Variants in FHAD1 observed in about 807,000 individuals in gnomAD.
The protein encoded by FHAD1 is forkhead associated phosphopeptide binding domain 1.
FHAD1 carries 146 observed loss-of-function variants against 191.3 expected under a neutral mutation model. The observed-to-expected ratio is 0.76, with a 90% CI of 0.67 to 0.88. The LOEUF (loss-of-function observed/expected upper bound fraction) is 0.88. FHAD1 is among the 40% of genes least tolerant of loss of function. The pLI is 0.00. For missense variants in FHAD1, 1,635 were observed against 1,785.8 expected (o/e 0.92, Z 1.52); for synonymous variants, 616 against 672.3 (o/e 0.92, Z 1.29).
chr1:15,367,621 A>C lies in FHAD1; in HGVS notation c.3313A>C (p.Arg1105=). The change falls in exon 25 of 34, where the codon AGG becomes CGG. Residue 1105 remains arginine (R), a splice_region_variant and synonymous_variant. Transcript: ENST00000688493. The part of the protein sequence containing the change: ...RELKALEEAL[R]ASQEKHRLQL... ...GCTGAAGGCCCTTGAGGAGGCACTC[A>C]GGTTGGGTGGGCGGGGGCCGGGTTG... The C allele has an allele frequency of 2.1e-6, 1 of 472,798 alleles. No individual in the cohort carries two copies. Among genetic ancestry groups the C allele is most frequent in the Non-Finnish European group, 3.5e-6 (1 of 282,752 alleles). 29.3% of individuals were successfully genotyped at this position (472,798 alleles called of 1,614,324 possible). A position where few individuals can be genotyped will look rare whatever the true frequency, so the allele number is the denominator to read the frequency against.
At chr1:15,333,360 A>G (rs1435475972) in intron 14 of FHAD1, among the ~76,000 whole-genome samples, 1 of 152,116 alleles carries the variant, frequency 6.6e-6, no homozygotes, top group Admixed American at 6.5e-5. Flanking sequence ...AAGAGGAGGA[A>G]GGAGGAGGGC....
chr1:15,249,726 A>G (rs1307954641), intron 1 of FHAD1, among the ~76,000 whole-genome samples: 3 of 152,144 alleles, frequency 2.0e-5, no homozygotes, highest in African/African-American at 4.8e-5. Flanking sequence ...CTAAGTGTCA[A>G]CAAAACAGTG....
At position 15,341,720 on chromosome 1, in the gene FHAD1, T is replaced by C; in HGVS notation, c.1978-16T>C. The C allele has an allele frequency of 1.3e-6, 2 of 1,545,042 alleles. No individual in the cohort carries two copies. Among genetic ancestry groups the C allele is most frequent in the South Asian group, 1.2e-5 (1 of 83,048 alleles). On this transcript the variant is annotated splice_polypyrimidine_tract_variant and intron_variant, in intron 15 of 33. Transcript: ENST00000688493. ...CTGTCCCCCATCAGCATCGGTTTAC[T>C]TTTCTCACATTTCAGATCAAGTTCA... is the stretch of plus-strand genomic sequence containing the variant.
chr1:15,367,965 T>C (rs1177808129), intron 25 of FHAD1, among the ~76,000 whole-genome samples: 1 of 151,932 alleles, frequency 6.6e-6, no homozygotes, highest in Non-Finnish European at 1.5e-5. Context: ...TTTGTTGTTG[T>C]TGTTGTTTGT....
chr1:15,289,743 T>C lies in FHAD1; in HGVS notation c.568+77T>C. ...GATGGGTCTTGGTTTTGGTTTACTT[T>C]CTGATTCTAAAAGTAGAACATATTC... On this transcript the variant is annotated intron_variant, in intron 4 of 33. Transcript: ENST00000688493. The surrounding 1 kb of genome is among the most constrained non-coding windows in gnomAD (Gnocchi z 4.2). The C allele has an allele frequency of 6.9e-7, 1 of 1,453,888 alleles. No individual in the cohort carries two copies. The highest frequency in any genetic ancestry group is 2.6e-5 in the Admixed American group (1 of 38,838). 90.1% of individuals were successfully genotyped at this position (1,453,888 alleles called of 1,614,324 possible).
chr1:15,341,888 G>A lies in FHAD1; in HGVS notation c.2130G>A (p.Ala710=), dbSNP rs373456073. The A allele has an allele frequency of 1.5e-5, 23 of 1,550,714 alleles. No individual in the cohort carries two copies. Among genetic ancestry groups the A allele is most frequent in the South Asian group, 9.5e-5 (8 of 83,858 alleles). The change falls in exon 16 of 34, where the codon GCG becomes GCA. Residue 710 remains alanine, a splice_region_variant and synonymous_variant. Transcript: ENST00000688493. ...TCAGGCAACTGACGGAAGAGAAGGC[G>A]GTAAGGTGGTCCCTGCCATTTGCTT... is the stretch of plus-strand genomic sequence containing the variant. ...AKIRQLTEEK[A]ALEEYITQER... is the part of the protein sequence containing the mutation.
intron 18 of FHAD1, among the ~76,000 whole-genome samples, chr1:15,348,337 G>A (rs1689648864): frequency 6.6e-6 from 1 of 152,224 alleles, no homozygotes; most frequent in Admixed American, 6.5e-5. Context: ...TGAAAGACAA[G>A]CCGTTAGAAA....
intron 9 of FHAD1, among the ~76,000 whole-genome samples, chr1:15,317,346 A>G (rs894836578): frequency 6.6e-6 from 1 of 152,218 alleles, no homozygotes; most frequent in African/African-American, 2.4e-5. Context: ...CGGGAAGTTC[A>G]GCTTCTCCAA....
chr1:15,256,050 T>C (rs1369981411), intron 2 of FHAD1, among the ~76,000 whole-genome samples: 1 of 152,184 alleles, frequency 6.6e-6, no homozygotes, highest in Non-Finnish European at 1.5e-5. Flanking sequence ...CTGGAATACC[T>C]CGGCCACCAG....
chr1:15,360,415 C>T (rs1694415578), intron 21 of FHAD1, 63 bp from the exon 22 acceptor site: 4 of 1,404,578 alleles, frequency 2.8e-6, no homozygotes, highest in South Asian at 1.2e-5. Flanking sequence ...GCCCAGGGGG[C>T]ATATTATTGT....
chr1:15,270,502 A>G (rs1018578715), intron 2 of FHAD1, among the ~76,000 whole-genome samples: 16 of 152,222 alleles, frequency 1.1e-4, no homozygotes, highest in African/African-American at 3.6e-4. Context: ...GGGCAATGCA[A>G]TAAAGCACTA....
intron 1 of FHAD1, among the ~76,000 whole-genome samples, chr1:15,240,953 T>C (rs1330225712): frequency 8.8e-5 from 7 of 79,700 alleles, no homozygotes; most frequent in Non-Finnish European, 1.6e-4. Context: ...CGAGACTCTA[T>C]CTCAAAAAAA....
At chr1:15,370,122 G>A (rs1020122731) in intron 26 of FHAD1, among the ~76,000 whole-genome samples, 3 of 152,000 alleles carry the variant, frequency 2.0e-5, no homozygotes, top group African/African-American at 4.8e-5. Flanking sequence ...GACTACAGAC[G>A]CACACCACCA....
rs1706567493 is a variant in FHAD1, at chr1:15,398,172, G to A, written c.*759G>A. ...TGGGCCTGTAATCCCAGCTACTCGG[G>A]AGGCTGAGACAGGAGAATCACTTCA... On this transcript the variant is annotated 3_prime_UTR_variant, in exon 34 of 34. Coordinates refer to ENST00000688493, the MANE Select transcript of FHAD1 (RefSeq NM_001391957.1). 6.6e-6 allele frequency: 1 copy of A among 151,068 alleles called. No homozygotes were observed. Among genetic ancestry groups the A allele is most frequent in the Admixed American group, 6.6e-5 (1 of 15,118 alleles). 9.4% of individuals were successfully genotyped at this position (151,068 alleles called of 1,614,324 possible). A position where few individuals can be genotyped will look rare whatever the true frequency, so the allele number is the denominator to read the frequency against.
chr1:15,307,259 C>T (rs1427539576), intron 6 of FHAD1, among the ~76,000 whole-genome samples: 1 of 152,176 alleles, frequency 6.6e-6, no homozygotes, highest in East Asian at 1.9e-4. Flanking sequence ...TTACCCAATA[C>T]CTGTACCCCC....
At chr1:15,242,491 T>C, upstream of FHAD1, among the ~76,000 whole-genome samples, 1 of 152,208 alleles carries the variant, frequency 6.6e-6, no homozygotes, top group East Asian at 1.9e-4. Context: ...AGGTTCACTG[T>C]CACTCAAAAA....
chr1:15,358,281 A>T lies in FHAD1; in HGVS notation c.2734A>T (p.Met912Leu), dbSNP rs1693519828. The change falls in exon 21 of 34, where the codon ATG becomes TTG. Residue 912 changes from methionine (M) to leucine (L), a missense_variant and splice_region_variant. Transcript: ENST00000688493. ...CGAACTGGAAACTACCAAGACAAAAATGGTAAGTCGGTGCCTTCCGGGAAC... is the reference window on the plus strand; with the variant it reads ...CGAACTGGAAACTACCAAGACAAAATTGGTAAGTCGGTGCCTTCCGGGAAC... Reference protein sequence around the residue: ...LAELETTKTKMIMVEERLILQ... With the variant: ...LAELETTKTKLIMVEERLILQ... 2.0e-6 allele frequency: 3 copies of T among 1,527,438 alleles called. No homozygotes were observed. The highest frequency in any genetic ancestry group is 3.4e-4 in the Middle Eastern group (2 of 5,960). The allele number at this position is 1,527,438 out of a possible 1,614,324, so 94.6% of individuals were successfully genotyped here. A position where few individuals can be genotyped will look rare whatever the true frequency, so the allele number is the denominator to read the frequency against.
chr1:15,238,556 G>A (rs1268139696), intron 1 of FHAD1, among the ~76,000 whole-genome samples: 1 of 152,212 alleles, frequency 6.6e-6, no homozygotes, highest in Non-Finnish European at 1.5e-5. Flanking sequence ...GCCACCATAA[G>A]TCAAAGGACA....
At position 15,397,290 on chromosome 1, in the gene FHAD1, G is replaced by T; in HGVS notation, c.4324-7G>T. Reference sequence around the variant, plus strand: ...AGTTTGTGTGTTTTTTCTCTTGCTTGTTAAAGGTTGGAACCAGAAAAGCCT... The same window carrying T: ...AGTTTGTGTGTTTTTTCTCTTGCTTTTTAAAGGTTGGAACCAGAAAAGCCT... On this transcript the variant is annotated splice_region_variant and splice_polypyrimidine_tract_variant and intron_variant, in intron 33 of 33. Coordinates refer to ENST00000688493, the MANE Select transcript of FHAD1 (RefSeq NM_001391957.1). The T allele has an allele frequency of 2.1e-6, 3 of 1,434,708 alleles. No homozygotes were observed. Among genetic ancestry groups the T allele is most frequent in the African/African-American group, 1.4e-5 (1 of 71,044 alleles). The allele number at this position is 1,434,708 out of a possible 1,614,324, so 88.9% of individuals were successfully genotyped here. A position where few individuals can be genotyped will look rare whatever the true frequency, so the allele number is the denominator to read the frequency against.
Sources: gnomAD v4.1 joint callset for allele counts (sites outside exome capture counted in the v4.1 genomes callset) on GRCh38, gnomAD v4.1.1 for gene constraint, Gnocchi (gnomAD v3.1) non-coding constraint, MANE v1.5 for transcripts, NCBI Gene and HGNC (gene_info 2026-07-23, HGNC 2026-07-21) for gene names.